Variants in GIGYF2 observed in about 807,000 individuals in gnomAD.
GIGYF2 encodes the protein GRB10 interacting GYF protein 2.
A neutral mutation model predicts 208.1 loss-of-function variants in GIGYF2; 25 were observed. That is an observed-to-expected ratio of 0.12 (90% CI 0.09 to 0.17). The LOEUF (loss-of-function observed/expected upper bound fraction) is 0.17, where lower values mean the gene tolerates loss of function less well. GIGYF2 is among the 10% of genes least tolerant of loss of function. GIGYF2 has a pLI of 1.00. For synonymous variants in GIGYF2, 534 were observed against 543.8 expected (o/e 0.98, Z 0.25); for missense variants, 1,302 against 1,579.4 (o/e 0.82, Z 2.98).
Position 232,806,721 on chromosome 2 carries a change from A to C in GIGYF2, c.1806+64A>C. 1 of 1,084,360 alleles carries C rather than the reference A, an allele frequency of 9.2e-7. No individual in the cohort carries two copies. The highest frequency in any genetic ancestry group is 1.7e-5 in the Admixed American group (1 of 59,382). 67.2% of individuals were successfully genotyped at this position (1,084,360 alleles called of 1,614,324 possible). A position where few individuals can be genotyped will look rare whatever the true frequency, so the allele number is the denominator to read the frequency against. On this transcript the variant is annotated intron_variant, in intron 15 of 28. Transcript: ENST00000373563. This position sits in a 1 kb window ranked among gnomAD's most constrained non-coding sequence, Gnocchi z 4.0. ...ACGGAAACACTTGATTCTCTTTGAAAACACAACCCAAATATATCATCTAAT... is the reference window on the plus strand; with the variant it reads ...ACGGAAACACTTGATTCTCTTTGAACACACAACCCAAATATATCATCTAAT...
intron 5 of GIGYF2, among the ~76,000 whole-genome samples, chr2:232,753,392 G>A (rs921845536): frequency 4.6e-5 from 7 of 152,114 alleles, no homozygotes; most frequent in African/African-American, 1.7e-4. Context: ...CCAAAGTGAT[G>A]GGATTACAGG....
intron 1 of GIGYF2, among the ~76,000 whole-genome samples, chr2:232,697,891 G>C (rs1695674666): frequency 6.6e-6 from 1 of 152,206 alleles, no homozygotes; most frequent in Non-Finnish European, 1.5e-5. Context: ...CCTGGGAGGT[G>C]CGCTCCTGCC....
At chr2:232,768,326 C>G (rs956131677) in intron 8 of GIGYF2, 1 of 1,614,162 alleles carries the variant, frequency 6.2e-7, no homozygotes, top group Non-Finnish European at 8.5e-7. Context: ...TGTCAAAATT[C>G]TCCATCTTGA....
chr2:232,856,120 A>G (rs1690559632), intron 28 of GIGYF2, among the ~76,000 whole-genome samples: 1 of 151,936 alleles, frequency 6.6e-6, no homozygotes, highest in Non-Finnish European at 1.5e-5. Context: ...TTTTTAGTAG[A>G]GACGAGGTTT....
Position 232,806,371 on chromosome 2 carries a change from A to G in GIGYF2, c.1640-120A>G. 2.6e-6 allele frequency: 2 copies of G among 769,404 alleles called. No individual in the cohort carries two copies. Among genetic ancestry groups the G allele is most frequent in the Non-Finnish European group, 4.7e-6 (2 of 425,316 alleles). The allele number at this position is 769,404 out of a possible 1,614,324, so 47.7% of individuals were successfully genotyped here. A position where few individuals can be genotyped will look rare whatever the true frequency, so the allele number is the denominator to read the frequency against. On this transcript the variant is annotated intron_variant, in intron 14 of 28. Transcript: ENST00000373563. The surrounding 1 kb of genome is among the most constrained non-coding windows in gnomAD (Gnocchi z 4.0). The stretch of plus-strand genomic sequence containing the variant: ...TACCTTTAGAGGTGAATTAAATTAG[A>G]TAGTATAAAACATTTTGACAGATGC...
chr2:232,702,721 A>G (rs150610016), intron 1 of GIGYF2, among the ~76,000 whole-genome samples: 10 of 152,348 alleles, frequency 6.6e-5, no homozygotes, highest in African/African-American at 2.2e-4. Flanking sequence ...CATTTTGGCA[A>G]TGATCATATT....
intron 8 of GIGYF2, among the ~76,000 whole-genome samples, chr2:232,776,121 A>G (rs1285882869): frequency 6.6e-6 from 1 of 152,158 alleles, no homozygotes; most frequent in Admixed American, 6.5e-5. Flanking sequence ...ATTCCTTCCA[A>G]AAGAAAAAGA....
intron 3 of GIGYF2, among the ~76,000 whole-genome samples, chr2:232,740,057 G>T (rs775464431): frequency 6.6e-6 from 1 of 152,116 alleles, no homozygotes; most frequent in Admixed American, 6.6e-5. Context: ...GGTGGAGGTT[G>T]CAGTGAGCTG....
chr2:232,732,669 C>A (rs1218935990), intron 2 of GIGYF2, among the ~76,000 whole-genome samples: 1 of 148,128 alleles, frequency 6.8e-6, no homozygotes, highest in Admixed American at 6.7e-5. Context: ...GAGACAAGGT[C>A]TTGCTCTGTT....
rs1185737504 is a variant in GIGYF2, at chr2:232,708,830, T to A, written c.-44+5341T>A. Among the ~76,000 whole-genome samples, 3 of 149,670 alleles carry A rather than the reference T, an allele frequency of 2.0e-5. No homozygotes were observed. The South Asian group carries it at 6.4e-4, about 32-fold the overall frequency. ...AGACTCTGTCTCAAAAAAAAAAAAT[T>A]TTTTTTTCTGGCCAGGTGTGGTGGC... On this transcript the variant is annotated intron_variant, in intron 2 of 28. Transcript: ENST00000373563.
intron 3 of GIGYF2, among the ~76,000 whole-genome samples, chr2:232,738,722 G>A (rs181776586): frequency 3.3e-4 from 51 of 152,260 alleles, no homozygotes; most frequent in Non-Finnish European, 5.6e-4. Context: ...TTTTGCTATT[G>A]TAAATGATAT....
intron 15 of GIGYF2, among the ~76,000 whole-genome samples, chr2:232,808,786 G>A (rs1158836023): frequency 1.3e-5 from 2 of 151,630 alleles, no homozygotes; most frequent in Non-Finnish European, 2.9e-5. Context: ...TTAAATTCCA[G>A]TCATATTATT....
At chr2:232,780,763 TG>T (rs1351886912) in intron 8 of GIGYF2, among the ~76,000 whole-genome samples, 1 of 152,230 alleles carries the variant, frequency 6.6e-6, no homozygotes, top group Non-Finnish European at 1.5e-5. Flanking sequence ...TAGTCAACTT[TG>T]TCATGGTGCT....
intron 21 of GIGYF2, among the ~76,000 whole-genome samples, chr2:232,823,001 T>A (rs2106398830): frequency 6.6e-6 from 1 of 152,322 alleles, no homozygotes; most frequent in Admixed American, 6.5e-5. Context: ...GTATCCATTA[T>A]CCAGCTGAAG....
intron 2 of GIGYF2, among the ~76,000 whole-genome samples, chr2:232,732,760 C>T (rs1697559607): frequency 6.6e-6 from 1 of 151,862 alleles, no homozygotes; most frequent in Non-Finnish European, 1.5e-5. Context: ...CCCACCTCAG[C>T]TGGGACTACA....
chr2:232,710,377 A>G (rs898899434), intron 2 of GIGYF2, among the ~76,000 whole-genome samples: 1 of 152,176 alleles, frequency 6.6e-6, no homozygotes, highest in African/African-American at 2.4e-5. Context: ...GGTATCAGCT[A>G]CCATACCAGC....
intron 2 of GIGYF2, among the ~76,000 whole-genome samples, chr2:232,723,432 C>CTT (rs371379851): frequency 5.9e-4 from 80 of 135,084 alleles, no homozygotes; most frequent in South Asian, 2.3e-3. Flanking sequence ...CTTTTCTTTT[C>CTT]TTTTTTTTTT....
chr2:232,790,368 C>T (rs1700034986), intron 9 of GIGYF2, among the ~76,000 whole-genome samples: 1 of 152,144 alleles, frequency 6.6e-6, no homozygotes, highest in South Asian at 2.1e-4. Context: ...GAGTTGGCGG[C>T]TAATCAGTAT....
At chr2:232,745,691 G>A (rs1181683736) in intron 3 of GIGYF2, among the ~76,000 whole-genome samples, 1 of 152,138 alleles carries the variant, frequency 6.6e-6, no homozygotes, top group African/African-American at 2.4e-5. Flanking sequence ...AATACATAAG[G>A]GAGGAATGAA....
Sources: gnomAD v4.1 joint callset for allele counts (sites outside exome capture counted in the v4.1 genomes callset) on GRCh38, gnomAD v4.1.1 for gene constraint, Gnocchi (gnomAD v3.1) non-coding constraint, MANE v1.5 for transcripts, NCBI Gene and HGNC (gene_info 2026-07-23, HGNC 2026-07-21) for gene names.